Variants in TATDN2 observed in about 807,000 individuals in gnomAD.
TATDN2 encodes the protein TatD DNase domain containing 2.
TATDN2 carries 44 observed loss-of-function variants against 60.3 expected under a neutral mutation model. That is an observed-to-expected ratio of 0.73 (90% confidence interval 0.57 to 0.94). The LOEUF (loss-of-function observed/expected upper bound fraction) is 0.94, where lower values mean the gene tolerates loss of function less well. Ranked by LOEUF, TATDN2 falls within the 40% of genes least tolerant of loss-of-function variation. TATDN2 has a pLI of 0.00. For missense variants in TATDN2, 997 were observed against 948.0 expected, an observed-to-expected ratio of 1.05 and a Z score of -0.68; for synonymous variants, 399 against 355.8, an observed-to-expected ratio of 1.12 and a Z score of -1.37.
intron 4 of TATDN2, among the ~76,000 whole-genome samples, chr3:10,273,335 G>T (rs537506540): frequency 2.1e-5 from 3 of 143,734 alleles, no homozygotes; most frequent in South Asian, 4.4e-4. Context: ...ACCCAAATGA[G>T]GTGAATGGTG....
Position 10,270,235 on chromosome 3 carries a change from C to T in TATDN2, c.1053C>T (p.Ser351=). The change falls in exon 4 of 8, where the codon TCC becomes TCT. Residue 351 remains serine (S), a synonymous_variant. Transcript: ENST00000448281. ...GATTCTCTCAGGAGGAACCTGTCTC[C>T]CTGAAACCTTCAGCCGTTCCGGAGC... The part of the protein sequence containing the change: ...TVRFSQEEPV[S]LKPSAVPEPS... The T allele has an allele frequency of 6.2e-7, 1 of 1,614,168 alleles. No individual in the cohort carries two copies.
chr3:10,256,264 TC>T (rs1698306752), intron 2 of TATDN2, among the ~76,000 whole-genome samples: 1 of 152,034 alleles, frequency 6.6e-6, no homozygotes, highest in Non-Finnish European at 1.5e-5. Context: ...ACCTTGACCT[TC>T]CACACTCAAG....
intron 2 of TATDN2, among the ~76,000 whole-genome samples, chr3:10,257,840 G>GATTTTTTTTTTTTTTTTTTTT (rs1698334833): frequency 2.6e-5 from 1 of 39,022 alleles, no homozygotes; most frequent in Non-Finnish European, 6.4e-5. Flanking sequence ...AAAGGTTTAT[G>GATTTTTTTTTTTTTTTTTTTT]ATTTTTTTTT....
chr3:10,260,144 C>G lies in TATDN2; in HGVS notation c.422C>G (p.Ser141Cys). The G allele has an allele frequency of 6.2e-7, 1 of 1,601,738 alleles. No homozygotes were observed. Among genetic ancestry groups the G allele is most frequent in the Non-Finnish European group, 8.5e-7 (1 of 1,175,900 alleles). The part of the protein sequence containing the change: ...EEEACSLKVD[S>C]KDSSHNSTNS... ...CTGTTTTTTTTTTCCCAGGTTGATT[C>G]CAAAGATAGTTCTCATAACTCCACA... Residue 141 changes from serine (S) to cysteine (C), a missense_variant, in exon 3 of 8, where the codon TCC becomes TGC. By Grantham distance (112) the Ser-to-Cys change is moderately radical. Coordinates refer to ENST00000448281, the MANE Select transcript of TATDN2 (RefSeq NM_014760.4).
At chr3:10,256,023 T>C (rs1436644467) in intron 2 of TATDN2, among the ~76,000 whole-genome samples, 1 of 152,212 alleles carries the variant, frequency 6.6e-6, no homozygotes, top group Non-Finnish European at 1.5e-5. Flanking sequence ...TTTTATGTCC[T>C]CTTTTCTTAT....
At chr3:10,266,480 G>A (rs1207760961) in intron 3 of TATDN2, among the ~76,000 whole-genome samples, 1 of 152,180 alleles carries the variant, frequency 6.6e-6, no homozygotes, top group Non-Finnish European at 1.5e-5. Context: ...TTTAAATCCT[G>A]GCCCTGCCAC....
At chr3:10,264,895 C>T (rs191967572) in intron 3 of TATDN2, among the ~76,000 whole-genome samples, 29 of 151,642 alleles carry the variant, frequency 1.9e-4, no homozygotes, top group Admixed American at 8.5e-4. Flanking sequence ...AGGCTGGTCT[C>T]GAACTCCTGA....
At chr3:10,277,933 T>C (rs1698662325) in intron 5 of TATDN2, among the ~76,000 whole-genome samples, 1 of 152,220 alleles carries the variant, frequency 6.6e-6, no homozygotes, top group East Asian at 1.9e-4. Flanking sequence ...AGTTTTTATA[T>C]GCTGTCGTTG....
chr3:10,264,416 GT>G lies in TATDN2; in HGVS notation c.948+3750del, dbSNP rs1698449684. ...CTGGTGTTTTTGTTATTGTAGAGGG[GT>G]TTTATTTGTTTTTTGTTTGGTTTTT... On this transcript the variant is annotated intron_variant, in intron 3 of 7. Coordinates refer to ENST00000448281, the MANE Select transcript of TATDN2 (RefSeq NM_014760.4). 2.6e-5 allele frequency among the ~76,000 whole-genome samples: 4 copies of G among 152,192 alleles called. No individual in the cohort carries two copies. In the South Asian group the frequency reaches 8.3e-4, roughly 32 times the overall value.
chr3:10,257,626 A>G (rs1405886748), intron 2 of TATDN2, among the ~76,000 whole-genome samples: 1 of 149,636 alleles, frequency 6.7e-6, no homozygotes, highest in Non-Finnish European at 1.5e-5. Flanking sequence ...AAAAAAAAAC[A>G]AAAATGACCC....
rs1417272955 is a variant in TATDN2, at chr3:10,259,993, C to T, written c.415-144C>T. On this transcript the variant is annotated intron_variant, in intron 2 of 7. Coordinates refer to ENST00000448281, the MANE Select transcript of TATDN2 (RefSeq NM_014760.4). ...ATCAGCCCCTCTTACAGTGCCACTT[C>T]ACCACCCGGAGAGAACCTTTGCCTT... 3.2e-6 allele frequency: 3 copies of T among 929,248 alleles called. No homozygotes were observed. In the African/African-American group the frequency reaches 5.1e-5, roughly 16 times the overall value. The allele number at this position is 929,248 out of a possible 1,614,324, so 57.6% of individuals were successfully genotyped here.
In TATDN2 at chr3:10,270,596, C is replaced by T. The variant is rs773658778; in HGVS notation, c.1414C>T (p.Arg472Cys). The change falls in exon 4 of 8, where the codon CGT becomes TGT. Residue 472 changes from arginine (R) to cysteine (C), a missense_variant. Transcript: ENST00000448281. Reference protein sequence around the residue: ...KRTFQEEMPPRPCGGHASSSL... With the variant: ...KRTFQEEMPPCPCGGHASSSL... The stretch of plus-strand genomic sequence containing the variant: ...AACATTCCAAGAGGAGATGCCTCCG[C>T]GTCCTTGTGGAGGACACGCATCCAG... The T allele has an allele frequency of 3.2e-5, 51 of 1,614,142 alleles. No homozygotes were observed. Among genetic ancestry groups the T allele is most frequent in the Non-Finnish European group, 4.0e-5 (47 of 1,180,058 alleles).
At chr3:10,274,169 G>T (rs1210423031) in intron 4 of TATDN2, among the ~76,000 whole-genome samples, 1 of 152,112 alleles carries the variant, frequency 6.6e-6, no homozygotes, top group Non-Finnish European at 1.5e-5. Flanking sequence ...GAGGACAAAT[G>T]CTGCAAATAG....
intron 4 of TATDN2, among the ~76,000 whole-genome samples, chr3:10,275,917 C>A (rs756405341): frequency 6.6e-6 from 1 of 152,198 alleles, no homozygotes; most frequent in African/African-American, 2.4e-5. Context: ...TAGGAGAGGT[C>A]TGGAAGTTGG....
rs1698692783 is a variant in TATDN2, at chr3:10,279,393, AGG to A, written c.*214_*215del. On this transcript the variant is annotated 3_prime_UTR_variant, in exon 8 of 8. Coordinates refer to ENST00000448281, the MANE Select transcript of TATDN2 (RefSeq NM_014760.4). ...GGTGGGGTGGGGTGGGCATGGAATGAGGGGTATGGGGACTGCCTGTAATAGCA... is the reference window on the plus strand; with the variant it reads ...GGTGGGGTGGGGTGGGCATGGAATGAGGTATGGGGACTGCCTGTAATAGCA... The A allele has an allele frequency of 4.3e-6, 1 of 230,042 alleles. No individual in the cohort carries two copies. Among genetic ancestry groups the A allele is most frequent in the African/African-American group, 2.4e-5 (1 of 42,486 alleles). The allele number at this position is 230,042 out of a possible 1,614,324, so 14.3% of individuals were successfully genotyped here. A position where few individuals can be genotyped will look rare whatever the true frequency, so the allele number is the denominator to read the frequency against.
In TATDN2 at chr3:10,260,478, A is replaced by C. The variant is rs559267711; in HGVS notation, c.756A>C (p.Ala252=). ...CTGCTGCTCAGAAGGAGAAAGACGC[A>C]ACCCCAGAGGTCAGCATGGAGGAGG... ...TVTAAQKEKD[A]TPEVSMEEDK... Residue 252 remains alanine (A), a synonymous_variant, in exon 3 of 8, where the codon GCA becomes GCC. Transcript: ENST00000448281. 33 of 1,614,060 alleles carry C rather than the reference A, an allele frequency of 2.0e-5. No individual in the cohort carries two copies. The highest frequency in any genetic ancestry group is 3.3e-4 in the Middle Eastern group (2 of 6,062).
chr3:10,251,473 C>G (rs531751892), intron 2 of TATDN2, among the ~76,000 whole-genome samples: 5 of 152,096 alleles, frequency 3.3e-5, no homozygotes, highest in Non-Finnish European at 7.4e-5. Context: ...GCAGCCTCCA[C>G]CTCCTGGGTT....
intron 4 of TATDN2, among the ~76,000 whole-genome samples, chr3:10,273,002 C>T (rs1251511271): frequency 6.6e-6 from 1 of 152,076 alleles, no homozygotes; most frequent in Non-Finnish European, 1.5e-5. Flanking sequence ...TATGCTCCAG[C>T]CTGGGTGACA....
intron 4 of TATDN2, among the ~76,000 whole-genome samples, chr3:10,276,024 G>T (rs1057448291): frequency 6.6e-6 from 1 of 152,132 alleles, no homozygotes; most frequent in Non-Finnish European, 1.5e-5. Flanking sequence ...ACCCCAGGTC[G>T]GCATCATATA....
Sources: allele counts gnomAD v4.1 joint callset (sites outside exome capture counted in the v4.1 genomes callset), GRCh38; gene constraint gnomAD v4.1.1; transcripts MANE v1.5; gene names NCBI Gene and HGNC (gene_info 2026-07-23, HGNC 2026-07-21).